The following MINK1 variants were observed in gnomAD, a reference collection of about 807,000 sequenced individuals.
MINK1 encodes misshapen-like kinase 1.
Under a neutral mutation model 178.4 loss-of-function variants are expected in MINK1, and 46 were observed. That is an observed-to-expected ratio of 0.26 (90% CI 0.20 to 0.33). The LOEUF (loss-of-function observed/expected upper bound fraction) is 0.33, where lower values mean the gene tolerates loss of function less well. Ranked by LOEUF, MINK1 falls within the 10% of genes least tolerant of loss-of-function variation. The pLI is 1.00. For synonymous variants in MINK1, 797 were observed against 709.7 expected, an observed-to-expected ratio of 1.12 and a Z score of -1.96; for missense variants, 1,366 against 1,814.9, an observed-to-expected ratio of 0.75 and a Z score of 4.49.
rs1190494334 is a variant in MINK1 at position 4,897,353 on chromosome 17, G to GC, written c.*68dup. ...CTCCCCCTGCAGCCAGGCTTCCCGGGCCGCCCCTCTTTCCCCTCCCTGGGC... is the reference window on the plus strand; with the variant it reads ...CTCCCCCTGCAGCCAGGCTTCCCGGGCCCGCCCCTCTTTCCCCTCCCTGGGC... On this transcript the variant is annotated 3_prime_UTR_variant, in exon 32 of 32. Transcript: ENST00000355280. 1 of 1,487,254 alleles carries GC rather than the reference G, an allele frequency of 6.7e-7. No homozygotes were observed. Among genetic ancestry groups the GC allele is most frequent in the Non-Finnish European group, 9.3e-7 (1 of 1,072,374 alleles). 92.1% of individuals were successfully genotyped at this position (1,487,254 alleles called of 1,614,324 possible).
At position 4,892,665 on chromosome 17, in the gene MINK1, C is replaced by T. The variant is rs552761130; in HGVS notation, c.2208C>T (p.Asp736=). The change falls in exon 19 of 32, where the codon GAC becomes GAT. Residue 736 remains aspartate, a synonymous_variant. Transcript: ENST00000355280. Reference sequence around the variant, plus strand: ...TCTGCCCCCCCAACAGTAACCCCGACCTCAGGAGGAGCGACCCTGGCTGGG... The same window carrying T: ...TCTGCCCCCCCAACAGTAACCCCGATCTCAGGAGGAGCGACCCTGGCTGGG... ...PGPPNASSNP[D]LRRSDPGWER... 3.7e-6 allele frequency: 6 copies of T among 1,607,130 alleles called. No homozygotes were observed. In the Admixed American group the frequency reaches 5.1e-5, roughly 14 times the overall value.
chr17:4,844,593 G>T (rs766864763), intron 1 of MINK1: 1 of 511,186 alleles, frequency 2.0e-6, no homozygotes, highest in East Asian at 5.5e-5. Flanking sequence ...TGAACAGGTG[G>T]TGGGTTGGCA....
At chr17:4,850,510 T>C (rs1911770980) in intron 1 of MINK1, among the ~76,000 whole-genome samples, 2 of 121,850 alleles carry the variant, frequency 1.6e-5, no homozygotes, top group African/African-American at 6.1e-5. Flanking sequence ...CTTCCTCCCC[T>C]TCCTGCTGGC....
rs768698416 is a variant in MINK1 at position 4,894,666 on chromosome 17, C to T, written c.2917+33C>T. ...CAGGAGGACAGACCTGCTGTGAGGC[C>T]AGGGTCCAGGGGCAGCCTGGAGGGG... On this transcript the variant is annotated intron_variant, in intron 24 of 31. Transcript: ENST00000355280. This position sits in a 1 kb window ranked among gnomAD's most constrained non-coding sequence, Gnocchi z 4.1. 1.3e-6 allele frequency: 2 copies of T among 1,526,268 alleles called. No individual in the cohort carries two copies. Among genetic ancestry groups the T allele is most frequent in the Non-Finnish European group, 1.8e-6 (2 of 1,115,364 alleles). 94.5% of individuals were successfully genotyped at this position (1,526,268 alleles called of 1,614,324 possible).
intron 1 of MINK1, among the ~76,000 whole-genome samples, chr17:4,841,702 G>T (rs560913653): frequency 4.6e-5 from 7 of 152,246 alleles, no homozygotes; most frequent in Non-Finnish European, 1.0e-4. Flanking sequence ...CTGTAAAGAT[G>T]CTGAGCACAC....
intron 1 of MINK1, chr17:4,857,183 G>A (rs1913292048): frequency 9.7e-6 from 3 of 308,438 alleles, no homozygotes; most frequent in Admixed American, 4.4e-5. Flanking sequence ...CATAGATGGT[G>A]ATGATACCAG....
At chr17:4,846,790 C>T (rs576539185) in intron 1 of MINK1, among the ~76,000 whole-genome samples, 180 of 152,204 alleles carry the variant, frequency 1.2e-3, no homozygotes, top group Non-Finnish European at 1.5e-3. Flanking sequence ...CCCACCTCTG[C>T]CCCCCAAAGT....
chr17:4,857,440 G>A (rs1368103841), intron 1 of MINK1: 1 of 150,708 alleles, frequency 6.6e-6, no homozygotes, highest in Admixed American at 6.6e-5. Flanking sequence ...CAGTGGACTA[G>A]TGGCAGCAAA....
At chr17:4,847,730 G>A (rs918401259) in intron 1 of MINK1, among the ~76,000 whole-genome samples, 20 of 152,266 alleles carry the variant, frequency 1.3e-4, no homozygotes, top group African/African-American at 4.6e-4. Flanking sequence ...TGACAGAAAC[G>A]GGGGGTGCCA....
Position 4,885,608 on chromosome 17 carries a change from T to C in MINK1, c.634T>C (p.Tyr212His). 6.2e-7 allele frequency: 1 copy of C among 1,613,890 alleles called. No homozygotes were observed. The highest frequency in any genetic ancestry group is 8.5e-7 in the Non-Finnish European group (1 of 1,179,856). The part of the protein sequence containing the change: ...CDENPDATYD[Y>H]RSDIWSLGIT... The stretch of plus-strand genomic sequence containing the variant: ...TGAGAACCCTGATGCCACCTATGAT[T>C]ACAGGGTATGGAGTGGAAAGTTGGG... Residue 212 changes from tyrosine to histidine, a missense_variant, in exon 7 of 32, where the codon TAC becomes CAC. By Grantham distance (83) the Tyr-to-His change is moderately conservative (BLOSUM62 2). This residue lies in a region of MINK1 where 109 missense variants were observed against 369.4 expected (regional missense o/e 0.30). Transcript: ENST00000355280. This position sits in a 1 kb window ranked among gnomAD's most constrained non-coding sequence, Gnocchi z 5.0.
rs1426223623 is a variant in MINK1, at chr17:4,894,075, C to A, written c.2652C>A (p.Gly884=). 1 of 1,589,382 alleles carries A rather than the reference C, an allele frequency of 6.3e-7. No homozygotes were observed. The highest frequency in any genetic ancestry group is 1.8e-5 in the Admixed American group (1 of 56,616). Residue 884 remains glycine, a synonymous_variant, in exon 22 of 32, where the codon GGC becomes GGA. Transcript: ENST00000355280. The surrounding 1 kb of genome is among the most constrained non-coding windows in gnomAD (Gnocchi z 4.1). ...GGACCCAGCCCCCATACGGGGGCGG[C>A]ACCATGGTGGTCCAGCGCGTGAGTG... The part of the protein sequence containing the change: ...ITGTQPPYGG[G]TMVVQRTPEE...
In MINK1 at chr17:4,887,845, G is replaced by T; in HGVS notation, c.1230+55G>T. ...GCGCGGCCTCCTCCTGACCTGCCCC[G>T]GGTCCATTAGGGCCTTGGAGAACAG... On this transcript the variant is annotated intron_variant, in intron 12 of 31. Transcript: ENST00000355280. This position sits in a 1 kb window ranked among gnomAD's most constrained non-coding sequence, Gnocchi z 7.6. The T allele has an allele frequency of 7.4e-7, 1 of 1,354,322 alleles. No homozygotes were observed. 83.9% of individuals were successfully genotyped at this position (1,354,322 alleles called of 1,614,324 possible).
At position 4,895,217 on chromosome 17, in the gene MINK1, C is replaced by A. The variant is rs114096686; in HGVS notation, c.3060C>A (p.Ser1020=). The A allele has an allele frequency of 1.2e-5, 20 of 1,614,030 alleles. No homozygotes were observed. Among genetic ancestry groups the A allele is most frequent in the Admixed American group, 8.3e-5 (5 of 59,994 alleles). ...GGAAGTACAAGAAGCGATTCAACTC[C>A]GAGATCCTCTGTGCAGCCCTTTGGG... ...EIRKYKKRFN[S]EILCAALWGV... Residue 1020 remains serine (S), a synonymous_variant, in exon 25 of 32, where the codon TCC becomes TCA. Coordinates refer to ENST00000355280, the MANE Select transcript of MINK1 (RefSeq NM_153827.5). This position sits in a 1 kb window ranked among gnomAD's most constrained non-coding sequence, Gnocchi z 4.3.
At position 4,887,277 on chromosome 17, in the gene MINK1, G is replaced by A; in HGVS notation, c.1019+98G>A. Reference sequence around the variant, plus strand: ...TGGGGACTCTCAGCCTGGGGGTGGTGGGCACAGAGAGGTAGAGACTCCTGG... The same window carrying A: ...TGGGGACTCTCAGCCTGGGGGTGGTAGGCACAGAGAGGTAGAGACTCCTGG... On this transcript the variant is annotated intron_variant, in intron 11 of 31. Coordinates refer to ENST00000355280, the MANE Select transcript of MINK1 (RefSeq NM_153827.5). The surrounding 1 kb of genome is among the most constrained non-coding windows in gnomAD (Gnocchi z 7.6). 7.7e-7 allele frequency: 1 copy of A among 1,290,766 alleles called. No homozygotes were observed. The highest frequency in any genetic ancestry group is 1.1e-6 in the Non-Finnish European group (1 of 915,450). The allele number at this position is 1,290,766 out of a possible 1,614,324, so 80.0% of individuals were successfully genotyped here.
intron 1 of MINK1, among the ~76,000 whole-genome samples, chr17:4,856,411 TTCTC>T (rs1221760369): frequency 6.6e-6 from 1 of 152,092 alleles, no homozygotes; most frequent in East Asian, 1.9e-4. Flanking sequence ...CACTCCCGTT[TTCTC>T]TCTCTTACGT....
chr17:4,868,911 G>A, intron 1 of MINK1: 1 of 233,544 alleles, frequency 4.3e-6, no homozygotes. Flanking sequence ...TGCCACACCT[G>A]GCTAATTATT....
chr17:4,894,369 G>C lies in MINK1; in HGVS notation c.2808+58G>C. ...GAAGAGCCCTGGCGATGGGCAGGAG[G>C]TCCCGGTGCTGGGTAACGGCAGAGG... is the stretch of plus-strand genomic sequence containing the variant. On this transcript the variant is annotated intron_variant, in intron 23 of 31. Coordinates refer to ENST00000355280, the MANE Select transcript of MINK1 (RefSeq NM_153827.5). This position sits in a 1 kb window ranked among gnomAD's most constrained non-coding sequence, Gnocchi z 4.1. The C allele has an allele frequency of 6.3e-7, 1 of 1,579,560 alleles. No individual in the cohort carries two copies. Among genetic ancestry groups the C allele is most frequent in the Admixed American group, 1.8e-5 (1 of 54,110 alleles).
intron 13 of MINK1, chr17:4,890,158 T>C: frequency 2.8e-6 from 2 of 726,398 alleles, no homozygotes; most frequent in Non-Finnish European, 3.9e-6. Flanking sequence ...TCGCTGCTGC[T>C]GCCCTCCTCT....
rs1968222875 is a variant in MINK1 at position 4,886,577 on chromosome 17, C to A, written c.900C>A (p.Ile300=). 1 of 1,611,796 alleles carries A rather than the reference C, an allele frequency of 6.2e-7. No individual in the cohort carries two copies. Among genetic ancestry groups the A allele is most frequent in the South Asian group, 1.1e-5 (1 of 90,914 alleles). ...AGCCCACGGAGCGGCAGGTCCGCAT[C>A]CAGCTTAAGGACCACATTGACCGAT... ...RDQPTERQVR[I]QLKDHIDRSR... The change falls in exon 10 of 32, where the codon ATC becomes ATA. Residue 300 remains isoleucine, a synonymous_variant. Coordinates refer to ENST00000355280, the MANE Select transcript of MINK1 (RefSeq NM_153827.5). This position sits in a 1 kb window ranked among gnomAD's most constrained non-coding sequence, Gnocchi z 6.1.
Sources: gnomAD v4.1 joint callset for allele counts (sites outside exome capture counted in the v4.1 genomes callset) on GRCh38, gnomAD v4.1.1 for gene constraint, gnomAD v4.1.1 regional missense constraint, Gnocchi (gnomAD v3.1) non-coding constraint, MANE v1.5 for transcripts, NCBI Gene and HGNC (gene_info 2026-07-23, HGNC 2026-07-21) for gene names.